The following AGAP1 variants were observed in gnomAD, a reference collection of about 807,000 sequenced individuals.
AGAP1 encodes arf-GAP with GTPase, ANK repeat and PH domain-containing protein 1.
Under a neutral mutation model 105.3 loss-of-function variants are expected in AGAP1, and 29 were observed. The ratio of observed to expected loss-of-function variants is 0.28; its 90% CI spans 0.21 to 0.38. The LOEUF (loss-of-function observed/expected upper bound fraction) is 0.38, where lower values mean the gene tolerates loss of function less well. AGAP1 is among the 10% of genes least tolerant of loss of function. The probability of loss-of-function intolerance (pLI) is 1.00; values close to 1 mark genes in which losing one functional copy is unlikely to be tolerated. For synonymous variants in AGAP1, 509 were observed against 485.9 expected (o/e 1.05, Z -0.63); for missense variants, 998 against 1,165.1 (o/e 0.86, Z 2.09).
chr2:235,733,656 G>A lies in AGAP1; in HGVS notation c.311-7307G>A, dbSNP rs1952075730. ...CCTTTTGTACCTTACTTAGATCTCG[G>A]TTAAATGAAACCATGAGAGACCGTG... On this transcript the variant is annotated intron_variant, in intron 3 of 17. Transcript: ENST00000304032. The surrounding 1 kb of genome is among the most constrained non-coding windows in gnomAD (Gnocchi z 5.0). Among the ~76,000 whole-genome samples, 1 of 152,042 alleles carries A rather than the reference G, an allele frequency of 6.6e-6. No homozygotes were observed. The highest frequency in any genetic ancestry group is 2.1e-4 in the South Asian group (1 of 4,822).
intron 1 of AGAP1, among the ~76,000 whole-genome samples, chr2:235,546,788 G>T (rs1414451596): frequency 6.6e-6 from 1 of 152,134 alleles, no homozygotes; most frequent in East Asian, 1.9e-4. Context: ...GCTCTTTCTT[G>T]GCTAGCAAGT....
intron 1 of AGAP1, among the ~76,000 whole-genome samples, chr2:235,667,959 CAAAAAAAAA>C (rs142657060): frequency 3.7e-4 from 23 of 61,958 alleles, no homozygotes; most frequent in South Asian, 8.7e-4. Context: ...GCCTCTGTCT[CAAAAAAAAA>C]AAAAAAAAAA....
At chr2:235,526,395 G>A (rs187589713) in intron 1 of AGAP1, among the ~76,000 whole-genome samples, 2 of 152,328 alleles carry the variant, frequency 1.3e-5, no homozygotes, top group East Asian at 3.9e-4. Flanking sequence ...AAGGGCTTTG[G>A]TGCACCACAG....
chr2:235,674,226 A>G (rs1403305099), intron 1 of AGAP1, among the ~76,000 whole-genome samples: 5 of 152,202 alleles, frequency 3.3e-5, no homozygotes, highest in African/African-American at 1.2e-4. Context: ...TGCAACTGAT[A>G]GCAGCAAGCC....
At position 235,908,927 on chromosome 2, in the gene AGAP1, C is replaced by G. The variant is rs764508842; in HGVS notation, c.1324+21C>G. The G allele has an allele frequency of 5.0e-6, 8 of 1,597,016 alleles. No individual in the cohort carries two copies. The highest frequency in any genetic ancestry group is 2.6e-6 in the Non-Finnish European group (3 of 1,166,910). On this transcript the variant is annotated intron_variant, in intron 11 of 17. Transcript: ENST00000304032. This position sits in a 1 kb window ranked among gnomAD's most constrained non-coding sequence, Gnocchi z 4.4. Reference sequence around the variant, plus strand: ...TTCAGGTAAGCTTACAGCAAATGCACTAACAAATCAAGTTCAACAGCAACA... The same window carrying G: ...TTCAGGTAAGCTTACAGCAAATGCAGTAACAAATCAAGTTCAACAGCAACA...
chr2:235,730,497 A>AC, intron 3 of AGAP1, among the ~76,000 whole-genome samples: 1 of 151,092 alleles, frequency 6.6e-6, no homozygotes, highest in East Asian at 1.9e-4. Flanking sequence ...AAAAAAAAAA[A>AC]ACGAGACAAG....
rs530590609 is a variant in AGAP1 at position 236,088,225 on chromosome 2, T to TA, written c.2115-31966dup. 4.5e-4 allele frequency among the ~76,000 whole-genome samples: 69 copies of TA among 152,326 alleles called. 1 individual carries two copies. The South Asian group carries it at 0.011, about 24-fold the overall frequency. ...AGACAGTGGAATCCTTCCTTCACCT[T>TA]ACTGAGAGAGGCCAGCGCTGTTTTC... On this transcript the variant is annotated intron_variant, in intron 16 of 17. Coordinates refer to ENST00000304032, the MANE Select transcript of AGAP1 (RefSeq NM_001037131.3).
intron 11 of AGAP1, among the ~76,000 whole-genome samples, chr2:235,910,285 TGC>T (rs148492438): frequency 1.3e-5 from 2 of 151,838 alleles, no homozygotes; most frequent in African/African-American, 2.4e-5. Context: ...CTGCCTGTGT[TGC>T]AGGGGGGCGG....
rs1245249823 is a variant in AGAP1, at chr2:235,845,542, C to G, written c.1051-37803C>G. The stretch of plus-strand genomic sequence containing the variant: ...TCACCACTATCCACCGACAGCCCAG[C>G]CGGTCGACAGCAGACCTTTCCTTCC... On this transcript the variant is annotated intron_variant, in intron 9 of 17. Coordinates refer to ENST00000304032, the MANE Select transcript of AGAP1 (RefSeq NM_001037131.3). This position sits in a 1 kb window ranked among gnomAD's most constrained non-coding sequence, Gnocchi z 4.8. Among the ~76,000 whole-genome samples the G allele has an allele frequency of 6.6e-6, 1 of 152,068 alleles. No individual in the cohort carries two copies. The highest frequency in any genetic ancestry group is 1.5e-5 in the Non-Finnish European group (1 of 68,002).
At position 235,621,902 on chromosome 2, in the gene AGAP1, C is replaced by T. The variant is rs949180651; in HGVS notation, c.164-87277C>T. Among the ~76,000 whole-genome samples the T allele has an allele frequency of 1.7e-5, 1 of 59,150 alleles. No homozygotes were observed. The highest frequency in any genetic ancestry group is 4.8e-5 in the Non-Finnish European group (1 of 20,742). The allele number at this position is 59,150 out of a possible 152,430, so 38.8% of individuals were successfully genotyped here. A position where few individuals can be genotyped will look rare whatever the true frequency, so the allele number is the denominator to read the frequency against. On this transcript the variant is annotated intron_variant, in intron 1 of 17. Coordinates refer to ENST00000304032, the MANE Select transcript of AGAP1 (RefSeq NM_001037131.3). This position sits in a 1 kb window ranked among gnomAD's most constrained non-coding sequence, Gnocchi z 4.1. ...CGATCGGAAGGGAGTGCCGCGCAGACCCCCCCACCCCCTCAGAACAGCGGC... is the reference window on the plus strand; with the variant it reads ...CGATCGGAAGGGAGTGCCGCGCAGATCCCCCCACCCCCTCAGAACAGCGGC...
At chr2:235,759,164 CTTTTTTTTTTTT>C (rs560528348) in intron 6 of AGAP1, among the ~76,000 whole-genome samples, 2 of 104,098 alleles carry the variant, frequency 1.9e-5, no homozygotes, top group Non-Finnish European at 3.9e-5. Flanking sequence ...TGATGTCATT[CTTTTTTTTTTTT>C]TTTTTTTTTT....
rs59511979 is a variant in AGAP1 at position 235,964,776 on chromosome 2, C to A, written c.1484-3686C>A. 0.056 allele frequency among the ~76,000 whole-genome samples: 8,450 copies of A among 152,088 alleles called. 718 individuals are homozygous for A. The highest frequency in any genetic ancestry group is 0.19 in the African/African-American group (7,670 of 41,434). ...TTTAGAAATATCAGTATTGTAAAAT[C>A]ATGGGACAGCTTAAAAGGTGAAAGT... On this transcript the variant is annotated intron_variant, in intron 12 of 17. Transcript: ENST00000304032. This position sits in a 1 kb window ranked among gnomAD's most constrained non-coding sequence, Gnocchi z 4.6.
intron 12 of AGAP1, among the ~76,000 whole-genome samples, chr2:235,952,528 G>C (rs763269524): frequency 6.6e-6 from 1 of 152,184 alleles, no homozygotes; most frequent in Admixed American, 6.5e-5. Flanking sequence ...CCCTGTGTCT[G>C]TAAGTCAGTC....
At chr2:235,909,249 C>G (rs1055564237) in intron 11 of AGAP1, among the ~76,000 whole-genome samples, 3 of 152,140 alleles carry the variant, frequency 2.0e-5, no homozygotes, top group Admixed American at 1.3e-4. Context: ...TAACTCATTT[C>G]TGATAACTGT....
At chr2:236,068,996 G>A (rs894409940) in intron 16 of AGAP1, among the ~76,000 whole-genome samples, 13 of 151,218 alleles carry the variant, frequency 8.6e-5, no homozygotes, top group African/African-American at 3.2e-4. Context: ...GCATGGTGGT[G>A]CATGCCTGTA....
intron 1 of AGAP1, among the ~76,000 whole-genome samples, chr2:235,654,051 G>A (rs959468384): frequency 1.2e-4 from 19 of 152,306 alleles, no homozygotes; most frequent in African/African-American, 2.9e-4. Flanking sequence ...GTGAGAGTCC[G>A]TCTCAACAAA....
rs962216773 is a variant in AGAP1, at chr2:235,753,816, A to G, written c.673+3328A>G. Among the ~76,000 whole-genome samples, 3 of 152,312 alleles carry G rather than the reference A, an allele frequency of 2.0e-5. No individual in the cohort carries two copies. The highest frequency in any genetic ancestry group is 1.3e-4 in the Admixed American group (2 of 15,302). ...GTCCTTAAAATATTTTCATATGAAG[A>G]TAACATTTTTAAAATAAAATCAGTT... On this transcript the variant is annotated intron_variant, in intron 6 of 17. Coordinates refer to ENST00000304032, the MANE Select transcript of AGAP1 (RefSeq NM_001037131.3). This position sits in a 1 kb window ranked among gnomAD's most constrained non-coding sequence, Gnocchi z 4.5.
In AGAP1 at chr2:235,687,858, C is replaced by CTT. The variant is rs147953084; in HGVS notation, c.164-21312_164-21311dup. Among the ~76,000 whole-genome samples, 725 of 117,276 alleles carry CTT rather than the reference C, an allele frequency of 6.2e-3. 9 individuals carry two copies. Among genetic ancestry groups the CTT allele is most frequent in the Middle Eastern group, 0.035 (8 of 230 alleles). 76.9% of individuals were successfully genotyped at this position (117,276 alleles called of 152,430 possible). On this transcript the variant is annotated intron_variant, in intron 1 of 17. Transcript: ENST00000304032. ...GGATGTGTTCCTGGATTTTTTTTTT[C>CTT]TTTTTTTTTTGGATTTTTCTTCTTA...
At chr2:235,670,459 G>A (rs1476130948) in intron 1 of AGAP1, 7 of 532,024 alleles carry the variant, frequency 1.3e-5, no homozygotes, top group Non-Finnish European at 2.4e-5. Context: ...CCGCGGACCT[G>A]GCCGGCAGCG....
Sources: gnomAD v4.1 joint callset for allele counts (sites outside exome capture counted in the v4.1 genomes callset) on GRCh38, gnomAD v4.1.1 for gene constraint, Gnocchi (gnomAD v3.1) non-coding constraint, MANE v1.5 for transcripts, NCBI Gene and HGNC (gene_info 2026-07-23, HGNC 2026-07-21) for gene names.